The following LRP1B variants were observed in gnomAD, a reference collection of about 807,000 sequenced individuals.
LRP1B encodes the protein LDL receptor related protein 1B.
A neutral mutation model predicts 556.6 loss-of-function variants in LRP1B; 217 were observed. The observed-to-expected ratio is 0.39, with a 90% confidence interval of 0.35 to 0.44. LRP1B has a LOEUF of 0.44. Among genes scored for constraint, LRP1B ranks in the 20% least tolerant of loss-of-function variants. The pLI is 1.00. For missense variants in LRP1B, 5,053 were observed against 5,620.8 expected (o/e 0.90, Z 3.23); for synonymous variants, 2,047 against 1,865.8 (o/e 1.10, Z -2.50).
chr2:141,032,818 T>TACATAC (rs1698411329), intron 11 of LRP1B, among the ~76,000 whole-genome samples: 12 of 141,766 alleles, frequency 8.5e-5, no homozygotes, highest in East Asian at 2.2e-4. Flanking sequence ...TGTGTATATA[T>TACATAC]ATACATACAT....
intron 59 of LRP1B, among the ~76,000 whole-genome samples, chr2:140,483,640 A>ATATATATATATATATAT (rs1491228405): frequency 2.1e-4 from 15 of 70,734 alleles, no homozygotes; most frequent in Middle Eastern, 8.6e-3. Context: ...ATATATATAT[A>ATATATATATATATATAT]TTTTTTTTTT....
intron 7 of LRP1B, among the ~76,000 whole-genome samples, chr2:141,138,480 G>T (rs1423774635): frequency 1.3e-5 from 2 of 151,776 alleles, no homozygotes; most frequent in Non-Finnish European, 2.9e-5. Flanking sequence ...GTGATTTTCA[G>T]ATGCCATGAT....
chr2:141,290,324 G>T (rs1415385060), intron 3 of LRP1B, among the ~76,000 whole-genome samples: 4 of 152,082 alleles, frequency 2.6e-5, no homozygotes, highest in Admixed American at 2.0e-4. Flanking sequence ...AATACTACCA[G>T]AAAATGCTAG....
chr2:141,521,544 G>A (rs2105174713), intron 2 of LRP1B, among the ~76,000 whole-genome samples: 1 of 151,614 alleles, frequency 6.6e-6, no homozygotes, highest in South Asian at 2.1e-4. Flanking sequence ...TGATTAAATA[G>A]AGTATTGATC....
chr2:140,320,377 T>C (rs950804469), intron 82 of LRP1B, among the ~76,000 whole-genome samples: 10 of 152,064 alleles, frequency 6.6e-5, no homozygotes, highest in African/African-American at 2.2e-4. Context: ...AGAGCACAAG[T>C]CTTCAAATTG....
chr2:140,937,767 G>C (rs916806254), intron 20 of LRP1B, among the ~76,000 whole-genome samples: 1 of 152,044 alleles, frequency 6.6e-6, no homozygotes, highest in African/African-American at 2.4e-5. Flanking sequence ...AGCTGAGATA[G>C]GGTATGATAT....
chr2:140,596,723 T>C (rs890729306), intron 43 of LRP1B, among the ~76,000 whole-genome samples: 3 of 152,170 alleles, frequency 2.0e-5, no homozygotes, highest in African/African-American at 4.8e-5. Flanking sequence ...GGCGCTGAAG[T>C]GAGATCACCA....
intron 72 of LRP1B, among the ~76,000 whole-genome samples, chr2:140,361,425 T>C (rs1392497567): frequency 7.0e-6 from 1 of 143,530 alleles, no homozygotes; most frequent in Non-Finnish European, 1.5e-5. Flanking sequence ...TCTTAAGATA[T>C]TATTAAATAA....
intron 6 of LRP1B, among the ~76,000 whole-genome samples, chr2:141,227,242 A>C (rs1180169364): frequency 6.6e-6 from 1 of 152,160 alleles, no homozygotes; most frequent in African/African-American, 2.4e-5. Context: ...AAGTGTAGAT[A>C]AAAAGTTCTT....
In LRP1B at chr2:140,883,851, G is replaced by T; in HGVS notation, c.4135C>A (p.His1379Asn). Reference protein sequence around the residue: ...RTTLIAGAMEHPRAIALDPRY... With the variant: ...RTTLIAGAMENPRAIALDPRY... Reference sequence around the variant, plus strand: ...GGGTCCAAAGCAATGGCCCTGGGGTGTTCCATGGCTCCTGCTATTAGTGTA... The same window carrying T: ...GGGTCCAAAGCAATGGCCCTGGGGTTTTCCATGGCTCCTGCTATTAGTGTA... Residue 1379 changes from histidine to asparagine, a missense_variant, in exon 25 of 91, where the codon CAC (histidine) becomes AAC (asparagine). Physicochemically the swap from His to Asn is moderately conservative, Grantham distance 68 (BLOSUM62 1). Around this residue, in one of 5 missense-constraint regions of LRP1B, gnomAD observed 3,619 missense variants for 3,931.9 expected, o/e 0.92. Coordinates refer to ENST00000389484, the MANE Select transcript of LRP1B (RefSeq NM_018557.3). The T allele has an allele frequency of 6.2e-7, 1 of 1,613,950 alleles. No homozygotes were observed. The highest frequency in any genetic ancestry group is 1.1e-5 in the South Asian group (1 of 91,082).
intron 82 of LRP1B, among the ~76,000 whole-genome samples, chr2:140,317,693 G>T (rs1684586015): frequency 6.6e-6 from 1 of 152,084 alleles, no homozygotes; most frequent in East Asian, 1.9e-4. Context: ...TTGTGGATGT[G>T]GACAGTGAAG....
At chr2:142,119,949 T>C (rs1351361392) in intron 1 of LRP1B, among the ~76,000 whole-genome samples, 1 of 152,160 alleles carries the variant, frequency 6.6e-6, no homozygotes, top group East Asian at 1.9e-4. Context: ...TGGTACATGT[T>C]AGCATGTCAG....
At chr2:140,366,995 C>T (rs1362572509) in intron 71 of LRP1B, among the ~76,000 whole-genome samples, 2 of 151,422 alleles carry the variant, frequency 1.3e-5, no homozygotes, top group African/African-American at 2.4e-5. Context: ...GATTTGAGAT[C>T]GGAGCAAAAT....
intron 2 of LRP1B, among the ~76,000 whole-genome samples, chr2:141,549,569 T>G (rs1489388915): frequency 6.6e-6 from 1 of 152,198 alleles, no homozygotes; most frequent in East Asian, 1.9e-4. Context: ...CTTTCTCTTT[T>G]TTATATGTTT....
At position 140,953,238 on chromosome 2, in the gene LRP1B, G is replaced by A. The variant is rs533492595; in HGVS notation, c.2888-1298C>T. Among the ~76,000 whole-genome samples, 3 of 152,032 alleles carry A rather than the reference G, an allele frequency of 2.0e-5. No individual in the cohort carries two copies. In the Middle Eastern group the frequency reaches 0.01, roughly 517 times the overall value. Reference sequence around the variant, plus strand: ...CCCAAGTAGCTGGGACTATAGGTGCGCACCACCATGCAGGCTAATTTTTTG... The same window carrying A: ...CCCAAGTAGCTGGGACTATAGGTGCACACCACCATGCAGGCTAATTTTTTG... On this transcript the variant is annotated intron_variant, in intron 18 of 90. Coordinates refer to ENST00000389484, the MANE Select transcript of LRP1B (RefSeq NM_018557.3).
At chr2:141,784,137 C>A (rs982138886) in intron 2 of LRP1B, among the ~76,000 whole-genome samples, 2 of 151,840 alleles carry the variant, frequency 1.3e-5, no homozygotes, top group Non-Finnish European at 2.9e-5. Flanking sequence ...CTATCCTTGA[C>A]AGATATACAA....
At chr2:141,506,039 A>C (rs906806762) in intron 2 of LRP1B, among the ~76,000 whole-genome samples, 8 of 152,064 alleles carry the variant, frequency 5.3e-5, no homozygotes, top group Admixed American at 5.2e-4. Context: ...CAACCCTGTT[A>C]GGGATAGAAA....
chr2:140,660,646 T>C (rs1685059126), intron 41 of LRP1B, among the ~76,000 whole-genome samples: 1 of 152,160 alleles, frequency 6.6e-6, no homozygotes, highest in Non-Finnish European at 1.5e-5. Context: ...TTTATGTGCG[T>C]TATATGAGAG....
At chr2:141,708,795 G>T in intron 2 of LRP1B, among the ~76,000 whole-genome samples, 1 of 152,112 alleles carries the variant, frequency 6.6e-6, no homozygotes, top group East Asian at 1.9e-4. Context: ...GTTATAAGAA[G>T]AAATTTGGAT....
Sources: allele counts gnomAD v4.1 joint callset (sites outside exome capture counted in the v4.1 genomes callset), GRCh38; gene constraint gnomAD v4.1.1; regional missense constraint gnomAD v4.1.1; transcripts MANE v1.5; gene names NCBI Gene and HGNC (gene_info 2026-07-23, HGNC 2026-07-21).